The following RAB2A variants were observed in gnomAD, a reference collection of about 807,000 sequenced individuals.
RAB2A encodes the protein ras-related protein Rab-2A.
A neutral mutation model predicts 32.5 loss-of-function variants in RAB2A; 7 were observed. That is an observed-to-expected ratio of 0.22 (90% CI 0.12 to 0.40). The LOEUF is 0.40. RAB2A is among the 10% of genes least tolerant of loss of function. RAB2A has a pLI of 1.00. For missense variants in RAB2A, 108 were observed against 260.7 expected, an observed-to-expected ratio of 0.41 and a Z score of 4.03; for synonymous variants, 79 against 85.2, an observed-to-expected ratio of 0.93 and a Z score of 0.40.
Position 60,620,871 on chromosome 8 carries a change from T to A in RAB2A, c.*102T>A, listed in dbSNP as rs915368920. 1.1e-6 allele frequency: 1 copy of A among 939,466 alleles called. No homozygotes were observed. Among genetic ancestry groups the A allele is most frequent in the Middle Eastern group, 2.2e-4 (1 of 4,500 alleles). The allele number at this position is 939,466 out of a possible 1,614,324, so 58.2% of individuals were successfully genotyped here. ...GACATGAAACTATTTGAAATGGCTT[T>A]ATGTCACAGAAGACTTTAATCCGTC... On this transcript the variant is annotated 3_prime_UTR_variant, in exon 8 of 8. Transcript: ENST00000262646.
At chr8:60,576,347 T>C in intron 3 of RAB2A, 1 of 443,356 alleles carries the variant, frequency 2.3e-6, no homozygotes, top group Non-Finnish European at 4.5e-6. Context: ...CTTGTTCTGC[T>C]CTTGTTCTTT....
chr8:60,563,015 A>T (rs908231831), intron 2 of RAB2A, among the ~76,000 whole-genome samples: 3 of 35,288 alleles, frequency 8.5e-5, no homozygotes, highest in African/African-American at 1.2e-4. Context: ...TTTCAGAGAT[A>T]AAAAAAAAAT....
At chr8:60,578,903 T>C (rs1371129966) in intron 3 of RAB2A, among the ~76,000 whole-genome samples, 1 of 152,222 alleles carries the variant, frequency 6.6e-6, no homozygotes, top group Non-Finnish European at 1.5e-5. Context: ...GGTGTAAGAC[T>C]TCTTTTGCAC....
chr8:60,580,427 C>G (rs555211282), intron 3 of RAB2A, among the ~76,000 whole-genome samples: 118 of 151,436 alleles, frequency 7.8e-4, no homozygotes, highest in African/African-American at 2.6e-3. Context: ...AAAAAAAAAA[C>G]TTCACTGGGC....
chr8:60,610,780 G>C (rs943781866), intron 6 of RAB2A, among the ~76,000 whole-genome samples: 1 of 152,070 alleles, frequency 6.6e-6, no homozygotes, highest in African/African-American at 2.4e-5. Context: ...CATTACCCAA[G>C]AAAATTATGC....
At chr8:60,518,520 G>C (rs1166368865) in intron 1 of RAB2A, among the ~76,000 whole-genome samples, 1 of 149,496 alleles carries the variant, frequency 6.7e-6, no homozygotes, top group Non-Finnish European at 1.5e-5. Flanking sequence ...GCCGGGCGTC[G>C]TGGCAGGCGC....
At chr8:60,586,904 T>C (rs1334673363) in intron 5 of RAB2A, among the ~76,000 whole-genome samples, 1 of 143,524 alleles carries the variant, frequency 7.0e-6, no homozygotes, top group Non-Finnish European at 1.5e-5. Flanking sequence ...CACTCCAGCC[T>C]GGGCAAAAGA....
intron 6 of RAB2A, among the ~76,000 whole-genome samples, chr8:60,594,160 G>T (rs1190923149): frequency 6.6e-6 from 1 of 152,128 alleles, no homozygotes; most frequent in Non-Finnish European, 1.5e-5. Flanking sequence ...GTTATATGAT[G>T]CATCATAAGT....
At chr8:60,614,004 C>A (rs1804405272) in intron 6 of RAB2A, among the ~76,000 whole-genome samples, 1 of 152,130 alleles carries the variant, frequency 6.6e-6, no homozygotes. Flanking sequence ...AAATACTGGT[C>A]TTACCTAATT....
chr8:60,526,219 C>T lies in RAB2A; in HGVS notation c.46+8966C>T, dbSNP rs545597827. Reference sequence around the variant, plus strand: ...TTCTAGCTCATTCAGCTACCTGGCTCATTCAGGTTGTTGGCAGAATATACT... The same window carrying T: ...TTCTAGCTCATTCAGCTACCTGGCTTATTCAGGTTGTTGGCAGAATATACT... On this transcript the variant is annotated intron_variant, in intron 1 of 7. Coordinates refer to ENST00000262646, the MANE Select transcript of RAB2A (RefSeq NM_002865.3). Among the ~76,000 whole-genome samples, 1,025 of 152,062 alleles carry T rather than the reference C, an allele frequency of 6.7e-3. 4 individuals carry two copies. The highest frequency in any genetic ancestry group is 0.011 in the Non-Finnish European group (751 of 67,998).
chr8:60,605,832 C>CTATAT (rs1554559183), intron 6 of RAB2A, among the ~76,000 whole-genome samples: 1 of 120,806 alleles, frequency 8.3e-6, no homozygotes, highest in Admixed American at 7.9e-5. Context: ...GGGACTAATA[C>CTATAT]ATATATACAT....
intron 6 of RAB2A, among the ~76,000 whole-genome samples, chr8:60,595,936 A>T (rs1804015071): frequency 6.6e-6 from 1 of 152,218 alleles, no homozygotes; most frequent in East Asian, 1.9e-4. Flanking sequence ...AAAATAGGAA[A>T]ATCTACAAAT....
At chr8:60,570,042 GATGGA>G in intron 2 of RAB2A, 1 of 456,168 alleles carries the variant, frequency 2.2e-6, no homozygotes, top group South Asian at 1.5e-5. Context: ...CATCTGCTCG[GATGGA>G]ATGGTCACAG....
intron 3 of RAB2A, among the ~76,000 whole-genome samples, chr8:60,575,550 A>G (rs1808259264): frequency 6.6e-6 from 1 of 152,184 alleles, no homozygotes; most frequent in Non-Finnish European, 1.5e-5. Context: ...GATGTTTACA[A>G]AACCATCCTA....
intron 1 of RAB2A, among the ~76,000 whole-genome samples, chr8:60,529,608 T>C (rs1307680777): frequency 6.6e-6 from 1 of 152,232 alleles, no homozygotes; most frequent in African/African-American, 2.4e-5. Flanking sequence ...GGTTCATACT[T>C]GCTTTGTTTA....
intron 5 of RAB2A, among the ~76,000 whole-genome samples, chr8:60,591,319 C>T (rs981544863): frequency 3.3e-5 from 5 of 151,860 alleles, no homozygotes; most frequent in Non-Finnish European, 5.9e-5. Flanking sequence ...CCCTCCCTCC[C>T]TCCCTCTCTC....
chr8:60,597,474 A>G (rs539999175), intron 6 of RAB2A, among the ~76,000 whole-genome samples: 29 of 152,322 alleles, frequency 1.9e-4, no homozygotes, highest in African/African-American at 6.7e-4. Context: ...GGATAGCATT[A>G]GGAGAAATAC....
At chr8:60,614,785 G>A (rs1020455824) in intron 6 of RAB2A, among the ~76,000 whole-genome samples, 2 of 152,172 alleles carry the variant, frequency 1.3e-5, no homozygotes, top group African/African-American at 4.8e-5. Flanking sequence ...GAGGTGGAAA[G>A]CAAGAGAATG....
At chr8:60,534,021 G>A (rs1336718662) in intron 1 of RAB2A, among the ~76,000 whole-genome samples, 1 of 152,066 alleles carries the variant, frequency 6.6e-6, no homozygotes, top group Admixed American at 6.5e-5. Context: ...ATTGTGGGCA[G>A]TCCCTGTGCT....
Sources: gnomAD v4.1 joint callset for allele counts (sites outside exome capture counted in the v4.1 genomes callset) on GRCh38, gnomAD v4.1.1 for gene constraint, MANE v1.5 for transcripts, NCBI Gene and HGNC (gene_info 2026-07-23, HGNC 2026-07-21) for gene names.